The following HSF2BP variants were observed in gnomAD, a reference collection of about 807,000 sequenced individuals.
HSF2BP encodes heat shock factor 2-binding protein.
HSF2BP carries 35 observed loss-of-function variants against 35.0 expected under a neutral mutation model. The observed-to-expected ratio is 1.00, with a 90% CI of 0.76 to 1.32. The LOEUF (loss-of-function observed/expected upper bound fraction) is 1.32, where lower values mean the gene tolerates loss of function less well. Ranked by LOEUF, HSF2BP falls within the 40% of genes most tolerant of loss-of-function variation. The probability of loss-of-function intolerance (pLI) is 0.00; values close to 1 mark genes in which losing one functional copy is unlikely to be tolerated. For synonymous variants in HSF2BP, 114 were observed against 117.4 expected, an observed-to-expected ratio of 0.97 and a Z score of 0.18; for missense variants, 326 against 321.7, an observed-to-expected ratio of 1.01 and a Z score of -0.10.
At chr21:43,632,107 A>C (rs796753037) in intron 5 of HSF2BP, among the ~76,000 whole-genome samples, 2 of 12,988 alleles carry the variant, frequency 1.5e-4, no homozygotes, top group Admixed American at 1.5e-3. Flanking sequence ...CGCTCTCCCC[A>C]CACACACGCT....
At chr21:43,637,947 C>T (rs769551965) in intron 4 of HSF2BP, among the ~76,000 whole-genome samples, 7 of 152,164 alleles carry the variant, frequency 4.6e-5, no homozygotes, top group Non-Finnish European at 7.3e-5. Flanking sequence ...CCCCTGAGAT[C>T]AGGAACAAGG....
chr21:43,644,439 C>T, intron 3 of HSF2BP, 47 bp from the exon 4 acceptor site: 1 of 1,441,018 alleles, frequency 6.9e-7, no homozygotes, highest in South Asian at 1.1e-5. Flanking sequence ...AGTCACTAAT[C>T]TCTCCCTAAG....
At chr21:43,586,717 A>G (rs2081855686) in intron 8 of HSF2BP, among the ~76,000 whole-genome samples, 1 of 151,406 alleles carries the variant, frequency 6.6e-6, no homozygotes, top group South Asian at 2.1e-4. Flanking sequence ...TCGTGTACTT[A>G]TTAAAATACA....
chr21:43,649,251 AT>A (rs1044300545), intron 3 of HSF2BP, among the ~76,000 whole-genome samples: 2 of 151,362 alleles, frequency 1.3e-5, no homozygotes, highest in East Asian at 3.9e-4. Flanking sequence ...GGTTTTTTTT[AT>A]TTTTTTGAAA....
At chr21:43,637,130 T>G (rs1046174219) in intron 4 of HSF2BP, among the ~76,000 whole-genome samples, 3 of 150,670 alleles carry the variant, frequency 2.0e-5, no homozygotes, top group Non-Finnish European at 4.4e-5. Context: ...ATCTATAAAA[T>G]AAAAAAGAAA....
At chr21:43,586,863 C>T (rs1352670155) in intron 8 of HSF2BP, among the ~76,000 whole-genome samples, 2 of 151,732 alleles carry the variant, frequency 1.3e-5, no homozygotes, top group African/African-American at 2.4e-5. Flanking sequence ...TGCAGTGGCA[C>T]GATCTTGGCT....
rs146105792 is a variant in HSF2BP at position 43,597,933 on chromosome 21, G to C, written c.693-5605C>G. 4.2e-4 allele frequency among the ~76,000 whole-genome samples: 64 copies of C among 152,318 alleles called. No homozygotes were observed. The highest frequency in any genetic ancestry group is 1.5e-3 in the African/African-American group (64 of 41,570). On this transcript the variant is annotated intron_variant, in intron 7 of 8. Coordinates refer to ENST00000291560, the MANE Select transcript of HSF2BP (RefSeq NM_007031.2). This position sits in a 1 kb window ranked among gnomAD's most constrained non-coding sequence, Gnocchi z 4.3. Reference sequence around the variant, plus strand: ...ACTAACTAAATATACTATGGTACATGTAACACATGCATGCCATAGAAAATT... The same window carrying C: ...ACTAACTAAATATACTATGGTACATCTAACACATGCATGCCATAGAAAATT...
intron 5 of HSF2BP, 153 bp downstream of exon 5, chr21:43,633,119 C>A: frequency 2.8e-6 from 2 of 724,876 alleles, no homozygotes; most frequent in Non-Finnish European, 4.3e-6. Context: ...TACAATGAAC[C>A]ATATACGATA....
intron 3 of HSF2BP, among the ~76,000 whole-genome samples, chr21:43,646,065 T>C (rs963884145): frequency 6.6e-6 from 1 of 151,246 alleles, no homozygotes; most frequent in African/African-American, 2.4e-5. Context: ...CCTGTGTAAT[T>C]ACAGCACTTT....
At chr21:43,610,277 A>G (rs2082187122) in intron 7 of HSF2BP, among the ~76,000 whole-genome samples, 1 of 152,022 alleles carries the variant, frequency 6.6e-6, no homozygotes, top group Non-Finnish European at 1.5e-5. Flanking sequence ...AGACAGACAG[A>G]TGATAGGTGG....
At chr21:43,655,294 A>C (rs2082851116) in intron 3 of HSF2BP, among the ~76,000 whole-genome samples, 1 of 152,210 alleles carries the variant, frequency 6.6e-6, no homozygotes, top group African/African-American at 2.4e-5. Context: ...AAACTAGAGA[A>C]ATTAGAAGTC....
intron 5 of HSF2BP, among the ~76,000 whole-genome samples, chr21:43,632,279 C>T (rs2082484287): frequency 2.9e-5 from 2 of 70,006 alleles, no homozygotes; most frequent in South Asian, 5.3e-4. Flanking sequence ...GCTCCCCCCA[C>T]ACACACACAC....
At chr21:43,641,630 T>C (rs144866170) in intron 4 of HSF2BP, among the ~76,000 whole-genome samples, 22 of 152,234 alleles carry the variant, frequency 1.4e-4, no homozygotes, top group African/African-American at 5.1e-4. Flanking sequence ...TGCCTTTTCC[T>C]AGTAATTTTT....
At chr21:43,604,054 T>C (rs1440374463) in intron 7 of HSF2BP, among the ~76,000 whole-genome samples, 1 of 151,980 alleles carries the variant, frequency 6.6e-6, no homozygotes. Flanking sequence ...GGCTGGCTAG[T>C]GGTTTGAAAG....
chr21:43,579,990 G>T (rs1025729564), intron 8 of HSF2BP, among the ~76,000 whole-genome samples: 1 of 152,180 alleles, frequency 6.6e-6, no homozygotes. Flanking sequence ...AGGAGGAGAG[G>T]GGCCAGCCTG....
intron 6 of HSF2BP, among the ~76,000 whole-genome samples, chr21:43,621,528 GA>G (rs762757429): frequency 4.5e-4 from 63 of 140,064 alleles, no homozygotes; most frequent in Admixed American, 5.0e-4. Flanking sequence ...TTCTGTCTCA[GA>G]AAAAAAAAAA....
In HSF2BP at chr21:43,633,331, A is replaced by G. The variant is rs781780538; in HGVS notation, c.382T>C (p.Cys128Arg). Residue 128 changes from cysteine to arginine, a missense_variant, in exon 5 of 9, where the codon TGT (cysteine) becomes CGT (arginine). Cys to Arg is a radical substitution (Grantham distance 180). Coordinates refer to ENST00000291560, the MANE Select transcript of HSF2BP (RefSeq NM_007031.2). Reference sequence around the variant, plus strand: ...CTGGAGACACCCCACAAGAGGGTACACGCTGCTGCTCCCATTTCTGTACAA... The same window carrying G: ...CTGGAGACACCCCACAAGAGGGTACGCGCTGCTGCTCCCATTTCTGTACAA... ...EYCTEMGAAACTLLWGVSSSE... is the reference protein window; with the variant it reads ...EYCTEMGAAARTLLWGVSSSE... 14 of 1,614,004 alleles carry G rather than the reference A, an allele frequency of 8.7e-6. No individual in the cohort carries two copies. In the East Asian group the frequency reaches 1.8e-4, roughly 21 times the overall value.
At chr21:43,582,428 C>T (rs1309781280) in intron 8 of HSF2BP, among the ~76,000 whole-genome samples, 4 of 121,616 alleles carry the variant, frequency 3.3e-5, no homozygotes, top group African/African-American at 1.3e-4. Flanking sequence ...GGGCCTGTTG[C>T]GGGAGATGAG....
chr21:43,640,119 T>C (rs576154524), intron 4 of HSF2BP, among the ~76,000 whole-genome samples: 20 of 152,152 alleles, frequency 1.3e-4, no homozygotes, highest in Admixed American at 6.5e-4. Flanking sequence ...CTGAGTAACA[T>C]AGCGAACCTG....
Sources: gnomAD v4.1 joint callset for allele counts (sites outside exome capture counted in the v4.1 genomes callset) on GRCh38, gnomAD v4.1.1 for gene constraint, Gnocchi (gnomAD v3.1) non-coding constraint, MANE v1.5 for transcripts, NCBI Gene and HGNC (gene_info 2026-07-23, HGNC 2026-07-21) for gene names.